Variants in CD8B observed in about 807,000 individuals in gnomAD.
CD8B encodes the protein CD8 subunit beta.
In CD8B, 6 loss-of-function variants were observed where a neutral mutation model predicts 24.2. The observed-to-expected ratio is 0.25, with a 90% confidence interval of 0.14 to 0.49. CD8B has a LOEUF of 0.49. Among genes scored for constraint, CD8B ranks in the 20% least tolerant of loss-of-function variants. CD8B has a pLI of 0.98. For missense variants in CD8B, 196 were observed against 271.3 expected (o/e 0.72, Z 1.95); for synonymous variants, 84 against 108.3 (o/e 0.78, Z 1.39).
At chr2:86,859,559 T>C (rs1038361895) in intron 1 of CD8B, among the ~76,000 whole-genome samples, 9 of 152,238 alleles carry the variant, frequency 5.9e-5, no homozygotes, top group African/African-American at 2.2e-4. Flanking sequence ...CACAGGTAAA[T>C]ACTGTCCCTG....
At chr2:86,816,691 C>CT (rs1674260622) in intron 5 of CD8B, among the ~76,000 whole-genome samples, 1 of 152,192 alleles carries the variant, frequency 6.6e-6, no homozygotes. Context: ...AACTTGAACT[C>CT]TATCTCAAAC....
intron 3 of CD8B, 109 bp downstream of exon 3, chr2:86,852,888 G>C (rs1257943921): frequency 2.8e-5 from 40 of 1,447,718 alleles, no homozygotes; most frequent in Non-Finnish European, 3.6e-5. Context: ...GGGGAGATAG[G>C]CTCTAGAGTT....
chr2:86,855,963 C>A (rs1324023327), intron 2 of CD8B, among the ~76,000 whole-genome samples: 1 of 152,238 alleles, frequency 6.6e-6, no homozygotes, highest in Non-Finnish European at 1.5e-5. Context: ...ATCTCTCCCT[C>A]TCTGTTCTTA....
chr2:86,835,071 C>T (rs950832365), downstream of CD8B, among the ~76,000 whole-genome samples: 1 of 152,232 alleles, frequency 6.6e-6, no homozygotes, highest in Admixed American at 6.5e-5. Flanking sequence ...TACTCCCTCT[C>T]CCACTGATAA....
chr2:86,835,534 G>A (rs1675144001), downstream of CD8B, among the ~76,000 whole-genome samples: 1 of 151,644 alleles, frequency 6.6e-6, no homozygotes, highest in African/African-American at 2.4e-5. Flanking sequence ...GTGGAGGGGT[G>A]GGAGTCATGG....
intron 3 of CD8B, among the ~76,000 whole-genome samples, chr2:86,848,536 A>G (rs1465981702): frequency 6.6e-6 from 1 of 151,942 alleles, no homozygotes; most frequent in African/African-American, 2.4e-5. Context: ...AGCAGGGCCC[A>G]TGGGTGAAAG....
At chr2:86,826,633 G>A (rs932840816) in intron 5 of CD8B, among the ~76,000 whole-genome samples, 6 of 152,110 alleles carry the variant, frequency 3.9e-5, no homozygotes, top group East Asian at 1.9e-4. Context: ...GGTGTGAAGC[G>A]TGGCTACTAA....
chr2:86,860,933 C>T lies in CD8B; in HGVS notation c.43+890G>A, dbSNP rs1204159373. 2.6e-5 allele frequency among the ~76,000 whole-genome samples: 4 copies of T among 152,380 alleles called. No individual in the cohort carries two copies. The East Asian group carries it at 7.7e-4, about 29-fold the overall frequency. On this transcript the variant is annotated intron_variant, in intron 1 of 5. Coordinates refer to ENST00000390655, the MANE Select transcript of CD8B (RefSeq NM_004931.5). Reference sequence around the variant, plus strand: ...CTGTGTGCTGGACATGGAGCCAGGCCTCACTGCATGTTCCCCTCGGTAACC... The same window carrying T: ...CTGTGTGCTGGACATGGAGCCAGGCTTCACTGCATGTTCCCCTCGGTAACC...
At chr2:86,837,311 A>C (rs1486880814), downstream of CD8B, among the ~76,000 whole-genome samples, 2 of 152,200 alleles carry the variant, frequency 1.3e-5, no homozygotes, top group Admixed American at 1.3e-4. Flanking sequence ...GGAGGTTGTA[A>C]GTGTCTTTTT....
intron 1 of CD8B, among the ~76,000 whole-genome samples, chr2:86,859,566 C>T (rs1189232816): frequency 6.6e-6 from 1 of 152,136 alleles, no homozygotes; most frequent in African/African-American, 2.4e-5. Flanking sequence ...AAATACTGTC[C>T]CTGTGTCTCA....
chr2:86,844,529 C>T, intron 5 of CD8B: 2 of 901,858 alleles, frequency 2.2e-6, no homozygotes, highest in South Asian at 1.6e-5. Flanking sequence ...CCTGATTGCT[C>T]TCCTCAGGAG....
chr2:86,836,400 T>C (rs1675180070), downstream of CD8B, among the ~76,000 whole-genome samples: 2 of 152,040 alleles, frequency 1.3e-5, no homozygotes, highest in Admixed American at 1.3e-4. Flanking sequence ...CCCAACTATG[T>C]CCATCCTGGC....
At chr2:86,847,412 G>A (rs1411559312) in intron 3 of CD8B, among the ~76,000 whole-genome samples, 1 of 152,082 alleles carries the variant, frequency 6.6e-6, no homozygotes, top group Non-Finnish European at 1.5e-5. Flanking sequence ...TATTTTCATT[G>A]TAAGACATTT....
intron 2 of CD8B, among the ~76,000 whole-genome samples, chr2:86,856,344 T>A (rs1287574294): frequency 6.6e-6 from 1 of 152,100 alleles, no homozygotes; most frequent in Non-Finnish European, 1.5e-5. Context: ...GTGTGGGGCT[T>A]ACAGAGACAA....
chr2:86,838,187 T>C lies in CD8B; in HGVS notation c.*4120A>G, dbSNP rs1675255070. On this transcript the variant is annotated 3_prime_UTR_variant, in exon 6 of 6. Transcript: ENST00000390655. ...GGTTCTTTTTTTCCAAACTTTTAAT[T>C]GCTTTTTCCCCAACTACAAAAGTAA... Among the ~76,000 whole-genome samples, 1 of 152,226 alleles carries C rather than the reference T, an allele frequency of 6.6e-6. No homozygotes were observed. The highest frequency in any genetic ancestry group is 1.5e-5 in the Non-Finnish European group (1 of 68,044).
chr2:86,821,579 T>G (rs13001400), intron 5 of CD8B: 179,597 of 187,702 alleles, frequency 0.96, 86,021 homozygotes, highest in East Asian at 1. Context: ...CCGAGTTCGG[T>G]TGTTGCTGTA....
At chr2:86,846,928 T>C (rs1479967188) in intron 3 of CD8B, among the ~76,000 whole-genome samples, 155 bp from the exon 4 acceptor site, 40,154 of 90,688 alleles carry the variant, frequency 0.44, 13,707 homozygotes, top group African/African-American at 0.55. Flanking sequence ...TCCTCAAGTA[T>C]TTTTTTTTTT....
intron 2 of CD8B, among the ~76,000 whole-genome samples, chr2:86,854,131 A>T (rs1347536268): frequency 6.6e-6 from 1 of 152,118 alleles, no homozygotes; most frequent in Non-Finnish European, 1.5e-5. Flanking sequence ...AAATAATGAT[A>T]ACTGCCACCT....
In CD8B at chr2:86,830,176, A is replaced by C. The variant is rs545029163; in HGVS notation, c.621-14458T>G. ...CCTCCTGGGCTCAAGTGATCCTCCCACCTCAGCCTCCTAAAGTGCTGGGAT... is the reference window on the plus strand; with the variant it reads ...CCTCCTGGGCTCAAGTGATCCTCCCCCCTCAGCCTCCTAAAGTGCTGGGAT... On this transcript the variant is annotated intron_variant, in intron 5 of 5. Coordinates refer to the CD8B transcript ENST00000331469. Among the ~76,000 whole-genome samples the C allele has an allele frequency of 3.3e-5, 5 of 151,842 alleles. No homozygotes were observed. The East Asian group carries it at 9.7e-4, about 30-fold the overall frequency.
Sources: gnomAD v4.1 joint callset for allele counts (sites outside exome capture counted in the v4.1 genomes callset) on GRCh38, gnomAD v4.1.1 for gene constraint, MANE v1.5 for transcripts, NCBI Gene and HGNC (gene_info 2026-07-23, HGNC 2026-07-21) for gene names.